Variants in STXBP5L observed in about 807,000 individuals in gnomAD.
STXBP5L encodes syntaxin-binding protein 5-like.
In STXBP5L, 65 loss-of-function variants were observed where a neutral mutation model predicts 144.5. The ratio of observed to expected loss-of-function variants is 0.45; its 90% confidence interval spans 0.37 to 0.55. The LOEUF (loss-of-function observed/expected upper bound fraction) is 0.55. STXBP5L is among the 20% of genes least tolerant of loss of function. The pLI is 0.00. For synonymous variants in STXBP5L, 505 were observed against 469.6 expected (o/e 1.08, Z -0.97); for missense variants, 1,298 against 1,405.5 (o/e 0.92, Z 1.22).
intron 5 of STXBP5L, among the ~76,000 whole-genome samples, chr3:121,054,839 T>C (rs1948333477): frequency 6.6e-6 from 1 of 152,180 alleles, no homozygotes. Flanking sequence ...TCTTTCTCTC[T>C]GTTTGTAAGA....
chr3:121,414,157 GTT>G (rs35660268), intron 24 of STXBP5L, among the ~76,000 whole-genome samples: 16,436 of 151,988 alleles, frequency 0.11, 1,082 homozygotes, highest in East Asian at 0.16. Context: ...TAATTATTGA[GTT>G]TTTTTCTATA....
At chr3:121,384,277 C>A (rs2046378605) in intron 22 of STXBP5L, among the ~76,000 whole-genome samples, 1 of 152,078 alleles carries the variant, frequency 6.6e-6, no homozygotes, top group African/African-American at 2.4e-5. Context: ...GGCAGCATGG[C>A]AGGGGGATTT....
intron 20 of STXBP5L, among the ~76,000 whole-genome samples, chr3:121,370,210 C>CA (rs1022763316): frequency 8.6e-5 from 13 of 151,826 alleles, no homozygotes; most frequent in South Asian, 4.2e-4. Flanking sequence ...ACTAAAAATA[C>CA]AAAAAAAATT....
At chr3:121,216,878 G>T (rs1046592501) in intron 10 of STXBP5L, among the ~76,000 whole-genome samples, 2 of 152,172 alleles carry the variant, frequency 1.3e-5, no homozygotes, top group East Asian at 3.9e-4. Context: ...GAGATGCCCT[G>T]CCCAGAGAGG....
chr3:121,244,407 A>G (rs1156459888), intron 14 of STXBP5L, among the ~76,000 whole-genome samples: 2 of 151,844 alleles, frequency 1.3e-5, no homozygotes, highest in Non-Finnish European at 2.9e-5. Flanking sequence ...AAACACATTC[A>G]AGTGGACTGA....
intron 3 of STXBP5L, among the ~76,000 whole-genome samples, chr3:120,977,629 C>T (rs1287783252): frequency 1.3e-5 from 2 of 152,130 alleles, no homozygotes; most frequent in African/African-American, 4.8e-5. Flanking sequence ...GAGGCAGTTT[C>T]TTCCTAGCTT....
At chr3:121,076,412 T>C (rs556668212) in intron 5 of STXBP5L, among the ~76,000 whole-genome samples, 1 of 152,346 alleles carries the variant, frequency 6.6e-6, no homozygotes, top group East Asian at 1.9e-4. Flanking sequence ...CTGCTTTTTC[T>C]ATGACTCCTT....
At chr3:121,195,123 A>G (rs1012656415) in intron 9 of STXBP5L, among the ~76,000 whole-genome samples, 1 of 151,604 alleles carries the variant, frequency 6.6e-6, no homozygotes, top group Non-Finnish European at 1.5e-5. Context: ...ACGGGATTTC[A>G]TTATGTTGGC....
chr3:121,359,246 A>T (rs2045627040), intron 20 of STXBP5L, among the ~76,000 whole-genome samples: 1 of 152,084 alleles, frequency 6.6e-6, no homozygotes. Flanking sequence ...TTCCATTTGT[A>T]CGTGATGTTT....
At chr3:121,053,899 AAAC>A (rs1232439996) in intron 5 of STXBP5L, among the ~76,000 whole-genome samples, 3 of 152,026 alleles carry the variant, frequency 2.0e-5, no homozygotes, top group Non-Finnish European at 2.9e-5. Flanking sequence ...CAAGAAAAAA[AAAC>A]AAACAACCCC....
chr3:121,392,794 T>C (rs986858658), intron 22 of STXBP5L, among the ~76,000 whole-genome samples: 2 of 144,676 alleles, frequency 1.4e-5, no homozygotes, highest in African/African-American at 5.1e-5. Flanking sequence ...TATATATATA[T>C]ATATATATAT....
intron 3 of STXBP5L, among the ~76,000 whole-genome samples, chr3:121,024,696 A>G (rs1945800822): frequency 6.6e-6 from 1 of 152,196 alleles, no homozygotes; most frequent in Admixed American, 6.5e-5. Context: ...ACTCAAGTAG[A>G]AAACGTTAAG....
chr3:121,043,663 C>T (rs992140119), intron 4 of STXBP5L, among the ~76,000 whole-genome samples: 2 of 152,032 alleles, frequency 1.3e-5, no homozygotes, highest in Non-Finnish European at 2.9e-5. Flanking sequence ...GAGCTAAGAT[C>T]GCACCACTGC....
intron 5 of STXBP5L, among the ~76,000 whole-genome samples, chr3:121,076,611 T>G (rs1011948544): frequency 3.3e-5 from 5 of 152,118 alleles, no homozygotes; most frequent in Admixed American, 3.3e-4. Flanking sequence ...CCAAGCCTGG[T>G]GACCACCCAA....
At chr3:120,936,905 G>C (rs73185483) in intron 2 of STXBP5L, among the ~76,000 whole-genome samples, 6,051 of 152,238 alleles carry the variant, frequency 0.04, 169 homozygotes, top group Middle Eastern at 0.082. Flanking sequence ...TGGTGTTGAG[G>C]TGTGGGGGAG....
intron 3 of STXBP5L, among the ~76,000 whole-genome samples, chr3:120,970,733 T>C (rs1446544820): frequency 3.3e-5 from 5 of 152,234 alleles, no homozygotes; most frequent in African/African-American, 4.8e-5. Context: ...TTTAAACCAT[T>C]ATTATTATTT....
chr3:121,349,784 G>A (rs952218185), intron 20 of STXBP5L, among the ~76,000 whole-genome samples: 1 of 151,936 alleles, frequency 6.6e-6, no homozygotes, highest in African/African-American at 2.4e-5. Context: ...TGCAACCCCT[G>A]CCTTTTTTTT....
intron 20 of STXBP5L, among the ~76,000 whole-genome samples, chr3:121,342,198 G>C (rs1208742307): frequency 6.6e-6 from 1 of 152,042 alleles, no homozygotes; most frequent in African/African-American, 2.4e-5. Context: ...AACCCTTGCT[G>C]TTCAAGGATC....
chr3:120,960,571 A>G (rs140445750), intron 3 of STXBP5L, among the ~76,000 whole-genome samples: 31 of 152,340 alleles, frequency 2.0e-4, no homozygotes, highest in Middle Eastern at 3.4e-3. Context: ...ATGGAATACT[A>G]TGCTGCCATA....
Sources: gnomAD v4.1 joint callset for allele counts (sites outside exome capture counted in the v4.1 genomes callset) on GRCh38, gnomAD v4.1.1 for gene constraint, MANE v1.5 for transcripts, NCBI Gene and HGNC (gene_info 2026-07-23, HGNC 2026-07-21) for gene names.